Variants in SORBS2 observed in about 807,000 individuals in gnomAD.
SORBS2 encodes the protein sorbin and SH3 domain containing 2.
SORBS2 carries 46 observed loss-of-function variants against 97.7 expected under a neutral mutation model. The ratio of observed to expected loss-of-function variants is 0.47; its 90% CI spans 0.37 to 0.60. SORBS2 has a LOEUF of 0.60. Ranked by LOEUF, SORBS2 falls within the 20% of genes least tolerant of loss-of-function variation. The pLI is 0.00. For synonymous variants in SORBS2, 476 were observed against 473.4 expected, an observed-to-expected ratio of 1.01 and a Z score of -0.07; for missense variants, 1,316 against 1,282.3, an observed-to-expected ratio of 1.03 and a Z score of -0.40.
chr4:185,663,848 CTTTTTTT>C (rs56177449), intron 4 of SORBS2, among the ~76,000 whole-genome samples: 5,188 of 81,046 alleles, frequency 0.064, 117 homozygotes, highest in Middle Eastern at 0.12. Flanking sequence ...TAGATTTATT[CTTTTTTT>C]TTTTTTTTTT....
intron 4 of SORBS2, among the ~76,000 whole-genome samples, chr4:185,671,049 A>T (rs2097705338): frequency 6.6e-6 from 1 of 152,278 alleles, no homozygotes; most frequent in Non-Finnish European, 1.5e-5. Context: ...AGTTCCTACG[A>T]CTGAGAAGGA....
At chr4:185,943,735 G>T (rs761476002) in intron 1 of SORBS2, among the ~76,000 whole-genome samples, 5 of 152,142 alleles carry the variant, frequency 3.3e-5, no homozygotes, top group Admixed American at 6.5e-5. Flanking sequence ...AAAGTGAAAT[G>T]GACGTTAGGT....
At chr4:185,823,835 C>G (rs970782266) in intron 1 of SORBS2, among the ~76,000 whole-genome samples, 1 of 152,106 alleles carries the variant, frequency 6.6e-6, no homozygotes, top group Non-Finnish European at 1.5e-5. Context: ...CATTTTAAAT[C>G]AACAAGTCAG....
At chr4:185,677,233 A>T in intron 4 of SORBS2, 1 of 1,551,712 alleles carries the variant, frequency 6.4e-7, no homozygotes, top group Non-Finnish European at 8.7e-7. Flanking sequence ...ACAGATTTGG[A>T]GAACTGTGGA....
intron 2 of SORBS2, among the ~76,000 whole-genome samples, chr4:185,727,848 G>A (rs2098571063): frequency 6.6e-6 from 1 of 152,166 alleles, no homozygotes; most frequent in African/African-American, 2.4e-5. Context: ...ATTAATGTTT[G>A]TCCCTGAATC....
At chr4:185,750,112 G>A (rs2098790460) in intron 2 of SORBS2, among the ~76,000 whole-genome samples, 1 of 152,220 alleles carries the variant, frequency 6.6e-6, no homozygotes, top group Non-Finnish European at 1.5e-5. Context: ...ACGCCGGAGT[G>A]TCCCACAGAC....
At chr4:185,866,597 T>C (rs2099227023) in intron 1 of SORBS2, among the ~76,000 whole-genome samples, 1 of 152,226 alleles carries the variant, frequency 6.6e-6, no homozygotes, top group Non-Finnish European at 1.5e-5. Context: ...TAGAAAGAAT[T>C]ATTTCTAGGC....
intron 1 of SORBS2, among the ~76,000 whole-genome samples, chr4:185,907,261 T>C (rs2099251520): frequency 6.6e-6 from 1 of 152,234 alleles, no homozygotes; most frequent in Non-Finnish European, 1.5e-5. Context: ...CAAATTTCCT[T>C]GCTACCCTGC....
chr4:185,604,037 A>G (rs1204650755), intron 12 of SORBS2, among the ~76,000 whole-genome samples: 1 of 152,218 alleles, frequency 6.6e-6, no homozygotes, highest in Non-Finnish European at 1.5e-5. Flanking sequence ...GGAGAATGGC[A>G]GGCACTGAGC....
At chr4:185,909,263 G>T (rs576715732) in intron 1 of SORBS2, among the ~76,000 whole-genome samples, 4 of 152,188 alleles carry the variant, frequency 2.6e-5, no homozygotes, top group Non-Finnish European at 5.9e-5. Context: ...GGAACTGGAG[G>T]TCATTACCTT....
chr4:185,749,842 T>G (rs1474093916), intron 2 of SORBS2, among the ~76,000 whole-genome samples: 2 of 152,218 alleles, frequency 1.3e-5, no homozygotes, highest in African/African-American at 2.4e-5. Context: ...TGACTAAACG[T>G]CCACCCATTA....
In SORBS2 at chr4:185,611,996, GA is replaced by G. The variant is rs2096545786; in HGVS notation, c.2596-17del. On this transcript the variant is annotated splice_polypyrimidine_tract_variant and intron_variant, in intron 11 of 14. Transcript: ENST00000418609. ...CTCTATCTCCCTGTTATGAATATGA[GA>G]AAAATGCATTAGAAACAGAGATAGA... 7.0e-7 allele frequency: 1 copy of G among 1,426,604 alleles called. No homozygotes were observed. The highest frequency in any genetic ancestry group is 9.9e-7 in the Non-Finnish European group (1 of 1,012,872). The allele number at this position is 1,426,604 out of a possible 1,614,324, so 88.4% of individuals were successfully genotyped here.
intron 1 of SORBS2, among the ~76,000 whole-genome samples, chr4:185,952,144 C>A (rs2099277523): frequency 1.3e-5 from 2 of 152,054 alleles, no homozygotes; most frequent in Non-Finnish European, 2.9e-5. Context: ...CCTGCCTCAG[C>A]CTCCCAAGTA....
intron 8 of SORBS2, 44 bp downstream of exon 20, chr4:185,620,019 A>G (rs113481609): frequency 1.7e-6 from 2 of 1,175,096 alleles, no homozygotes; most frequent in Non-Finnish European, 2.6e-6. Flanking sequence ...GTGCTGTATC[A>G]AGTGTGTTGC....
chr4:185,934,962 G>A (rs1042100485), intron 1 of SORBS2, among the ~76,000 whole-genome samples: 1 of 152,028 alleles, frequency 6.6e-6, no homozygotes, highest in African/African-American at 2.4e-5. Flanking sequence ...TACTGAGTCA[G>A]GTCGCTTCTC....
intron 1 of SORBS2, among the ~76,000 whole-genome samples, chr4:185,834,463 T>A (rs1331853045): frequency 6.6e-6 from 1 of 152,008 alleles, no homozygotes; most frequent in African/African-American, 2.4e-5. Context: ...CAAAAAAAAA[T>A]ATACCCTACC....
chr4:185,602,357 G>A (rs2096283594), intron 12 of SORBS2, among the ~76,000 whole-genome samples: 1 of 152,160 alleles, frequency 6.6e-6, no homozygotes, highest in South Asian at 2.1e-4. Context: ...AAAAGCAGAT[G>A]CTCAGAAGAC....
chr4:185,630,695 TA>T, intron 4 of SORBS2, 97 bp from the exon 17 acceptor site: 1 of 686,994 alleles, frequency 1.5e-6, no homozygotes, highest in Non-Finnish European at 2.6e-6. Flanking sequence ...AAGAATATTA[TA>T]AAAATTGAGG....
At chr4:185,586,838 A>G (rs1345201644) in exon 15 of SORBS2, 1 of 152,686 alleles carries the variant, frequency 6.5e-6, no homozygotes, top group Non-Finnish European at 1.5e-5. Flanking sequence ...AATATAAAAT[A>G]GCGATGCAAC....
Sources: allele counts gnomAD v4.1 joint callset (sites outside exome capture counted in the v4.1 genomes callset), GRCh38; gene constraint gnomAD v4.1.1; transcripts MANE v1.5; gene names NCBI Gene and HGNC (gene_info 2026-07-23, HGNC 2026-07-21).